The following EVA1A variants were observed in gnomAD, a reference collection of about 807,000 sequenced individuals.
EVA1A encodes the protein protein eva-1 homolog A.
Under a neutral mutation model 9.8 loss-of-function variants are expected in EVA1A, and 7 were observed. That is an observed-to-expected ratio of 0.71 (90% CI 0.41 to 1.34). The LOEUF is 1.34. EVA1A is among the 40% of genes most tolerant of loss of function. The pLI is 0.01. For synonymous variants in EVA1A, 90 were observed against 85.6 expected, an observed-to-expected ratio of 1.05 and a Z score of -0.28; for missense variants, 206 against 205.9, an observed-to-expected ratio of 1.00 and a Z score of 0.00.
intron 1 of EVA1A, among the ~76,000 whole-genome samples, chr2:75,534,163 C>A (rs188265899): frequency 1.3e-5 from 2 of 152,082 alleles, no homozygotes; most frequent in African/African-American, 4.8e-5. Context: ...TGCTTAAGTC[C>A]AGGAATTCAA....
chr2:75,506,833 A>C (rs1324715806), intron 3 of EVA1A, among the ~76,000 whole-genome samples: 1 of 152,230 alleles, frequency 6.6e-6, no homozygotes, highest in African/African-American at 2.4e-5. Flanking sequence ...AAGAAGGAAA[A>C]GTAGAACCTG....
chr2:75,567,130 CA>C (rs1286653322), intron 1 of EVA1A, among the ~76,000 whole-genome samples: 1 of 151,984 alleles, frequency 6.6e-6, no homozygotes, highest in African/African-American at 2.4e-5. Context: ...ACATGGGCCG[CA>C]AAAAGTTGTC....
At chr2:75,515,367 A>C (rs1674967758) in intron 3 of EVA1A, among the ~76,000 whole-genome samples, 1 of 152,226 alleles carries the variant, frequency 6.6e-6, no homozygotes, top group South Asian at 2.1e-4. Flanking sequence ...TTAAGGTATG[A>C]TGTGAAAAGC....
At chr2:75,540,947 G>A (rs144104050) in intron 1 of EVA1A, 1 of 152,342 alleles carries the variant, frequency 6.6e-6, no homozygotes, top group African/African-American at 2.4e-5. Flanking sequence ...TCAAAAACCT[G>A]GGACGCAGCA....
intron 3 of EVA1A, among the ~76,000 whole-genome samples, chr2:75,509,171 A>G (rs2103815307): frequency 6.6e-6 from 1 of 152,302 alleles, no homozygotes; most frequent in South Asian, 2.1e-4. Context: ...ATTTAAGGGG[A>G]ACTTATCATA....
intron 3 of EVA1A, among the ~76,000 whole-genome samples, chr2:75,499,522 C>A (rs1674333595): frequency 6.6e-6 from 1 of 152,118 alleles, no homozygotes. Flanking sequence ...CAAAATGAAG[C>A]CCATTTGCTG....
chr2:75,530,277 A>C (rs1675597511), intron 1 of EVA1A, among the ~76,000 whole-genome samples: 1 of 152,220 alleles, frequency 6.6e-6, no homozygotes, highest in Non-Finnish European at 1.5e-5. Flanking sequence ...CAATAAAAAA[A>C]AAAATCCAGG....
intron 1 of EVA1A, among the ~76,000 whole-genome samples, chr2:75,552,783 C>G (rs917319601): frequency 6.6e-6 from 1 of 152,182 alleles, no homozygotes; most frequent in Admixed American, 6.5e-5. Context: ...GCCCAAGTTA[C>G]AGGGAGTGTG....
chr2:75,495,481 G>C lies in EVA1A; in HGVS notation c.86-1872C>G, dbSNP rs570013806. 2.5e-4 allele frequency among the ~76,000 whole-genome samples: 38 copies of C among 152,280 alleles called. 1 individual carries two copies. In the South Asian group the frequency reaches 7.3e-3, roughly 29 times the overall value. ...CATGCTGGTCTAGTGGCTTGTTCCA[G>C]GTCACGCTCACAAAGGTAATGGCAT... is the stretch of plus-strand genomic sequence containing the variant. On this transcript the variant is annotated intron_variant, in intron 3 of 3. Coordinates refer to ENST00000393913, the MANE Select transcript of EVA1A (RefSeq NM_001135032.2).
chr2:75,546,586 C>T (rs777195556), intron 1 of EVA1A, among the ~76,000 whole-genome samples: 2 of 152,064 alleles, frequency 1.3e-5, no homozygotes, highest in African/African-American at 4.8e-5. Flanking sequence ...GATGAAGACA[C>T]CTTGGAGAAG....
At chr2:75,516,401 C>A (rs1043985694) in intron 3 of EVA1A, among the ~76,000 whole-genome samples, 2 of 152,104 alleles carry the variant, frequency 1.3e-5, no homozygotes, top group African/African-American at 4.8e-5. Context: ...TATCTCAGCC[C>A]GTACTTACTT....
At chr2:75,503,891 ATTGTAC>A (rs796293485) in intron 3 of EVA1A, among the ~76,000 whole-genome samples, 15 of 152,230 alleles carry the variant, frequency 9.9e-5, no homozygotes, top group African/African-American at 3.6e-4. Context: ...ATAAAAATGT[ATTGTAC>A]TTGGGCAACA....
upstream of EVA1A, among the ~76,000 whole-genome samples, chr2:75,563,539 C>T (rs7589605): frequency 0.91 from 138,245 of 152,262 alleles, 62,839 homozygotes; most frequent in East Asian, 0.96. Flanking sequence ...CCGAACTCTA[C>T]GCCAATCCTT....
In EVA1A at chr2:75,493,137, A is replaced by G; in HGVS notation, c.*99T>C. The G allele has an allele frequency of 1.4e-6, 2 of 1,472,718 alleles. No homozygotes were observed. The highest frequency in any genetic ancestry group is 1.8e-6 in the Non-Finnish European group (2 of 1,098,820). The allele number at this position is 1,472,718 out of a possible 1,614,324, so 91.2% of individuals were successfully genotyped here. On this transcript the variant is annotated 3_prime_UTR_variant, in exon 4 of 4. Transcript: ENST00000393913. ...TGTCCTGCTTTTTCTCTGAAATCAC[A>G]ATATTAGCAGAGCTGGGTTCAGTTC... is the stretch of plus-strand genomic sequence containing the variant.
chr2:75,541,522 G>A (rs1418794067), intron 1 of EVA1A, among the ~76,000 whole-genome samples: 1 of 152,176 alleles, frequency 6.6e-6, no homozygotes, highest in Middle Eastern at 3.2e-3. Flanking sequence ...GACCTGCTGA[G>A]TTATTTACTG....
At chr2:75,508,977 C>T (rs1264099206) in intron 3 of EVA1A, among the ~76,000 whole-genome samples, 3 of 152,112 alleles carry the variant, frequency 2.0e-5, no homozygotes, top group African/African-American at 7.2e-5. Context: ...TCTACTCTCA[C>T]ATGACTTGAT....
chr2:75,553,878 TC>T (rs1306566757), intron 1 of EVA1A, among the ~76,000 whole-genome samples: 1 of 152,124 alleles, frequency 6.6e-6, no homozygotes, highest in African/African-American at 2.4e-5. Context: ...CAGTGCTCAT[TC>T]CGCCCACTCT....
rs772309049 is a variant in EVA1A at position 75,493,634 on chromosome 2, A to G, written c.86-25T>C. 4.5e-6 allele frequency: 7 copies of G among 1,548,240 alleles called. No individual in the cohort carries two copies. The East Asian group carries it at 9.1e-5, about 20-fold the overall frequency. ...TCTGGAGGAAGAAGAGGAAGAAGCA[A>G]GCATTTGAGAGATGACAACTCCATA... On this transcript the variant is annotated intron_variant, in intron 3 of 3. Coordinates refer to ENST00000393913, the MANE Select transcript of EVA1A (RefSeq NM_001135032.2).
At chr2:75,504,963 T>C (rs1235557116) in intron 3 of EVA1A, among the ~76,000 whole-genome samples, 1 of 151,656 alleles carries the variant, frequency 6.6e-6, no homozygotes, top group Non-Finnish European at 1.5e-5. Context: ...TAGAGTAAAA[T>C]AAAAAAAGAA....
Sources: gnomAD v4.1 joint callset for allele counts (sites outside exome capture counted in the v4.1 genomes callset) on GRCh38, gnomAD v4.1.1 for gene constraint, MANE v1.5 for transcripts, NCBI Gene and HGNC (gene_info 2026-07-23, HGNC 2026-07-21) for gene names.